Variants in RPS6KC1 observed in about 807,000 individuals in gnomAD.
RPS6KC1 encodes ribosomal protein S6 kinase C1.
A neutral mutation model predicts 103.8 loss-of-function variants in RPS6KC1; 54 were observed. The ratio of observed to expected loss-of-function variants is 0.52; its 90% confidence interval spans 0.42 to 0.65. The LOEUF is 0.65. Among genes scored for constraint, RPS6KC1 ranks in the 30% least tolerant of loss-of-function variants. RPS6KC1 has a pLI of 0.00. For synonymous variants in RPS6KC1, 439 were observed against 438.7 expected (o/e 1.00, Z -0.01); for missense variants, 1,151 against 1,253.8 (o/e 0.92, Z 1.24).
chr1:213,451,997 AT>A, the RPS6KC1 span, among the ~76,000 whole-genome samples: 2 of 152,256 alleles, frequency 1.3e-5, no homozygotes, highest in African/African-American at 2.4e-5. Context: ...TGACGGTGTG[AT>A]AGCCCACTCA....
chr1:213,307,006 G>A, the RPS6KC1 span, among the ~76,000 whole-genome samples: 2 of 151,482 alleles, frequency 1.3e-5, no homozygotes, highest in Non-Finnish European at 2.9e-5. Context: ...CTAAGTAAGA[G>A]AAGTAATTGC....
chr1:213,614,994 G>A, the RPS6KC1 span, among the ~76,000 whole-genome samples: 9 of 152,328 alleles, frequency 5.9e-5, no homozygotes, highest in East Asian at 5.8e-4. Context: ...ACAGTCATAA[G>A]TCACCATGCC....
the RPS6KC1 span, among the ~76,000 whole-genome samples, chr1:213,561,751 C>A: frequency 6.6e-6 from 1 of 152,222 alleles, no homozygotes; most frequent in Non-Finnish European, 1.5e-5. Context: ...CCCCACTGAG[C>A]AGCTCCTTTT....
At chr1:213,770,881 T>C in the RPS6KC1 span, among the ~76,000 whole-genome samples, 3 of 152,230 alleles carry the variant, frequency 2.0e-5, no homozygotes, top group African/African-American at 4.8e-5. Context: ...ACCAAGCATA[T>C]CTACTTTCAC....
the RPS6KC1 span, among the ~76,000 whole-genome samples, chr1:213,835,200 G>A: frequency 5.9e-5 from 9 of 152,330 alleles, no homozygotes; most frequent in African/African-American, 2.2e-4. Context: ...GCCAGAGGCA[G>A]GACCGGCTTG....
chr1:213,504,287 G>A, the RPS6KC1 span, among the ~76,000 whole-genome samples: 1 of 152,028 alleles, frequency 6.6e-6, no homozygotes, highest in African/African-American at 2.4e-5. Context: ...TTTTCTTTGA[G>A]TTTATAATTG....
the RPS6KC1 span, among the ~76,000 whole-genome samples, chr1:213,579,478 A>G: frequency 6.6e-6 from 1 of 152,108 alleles, no homozygotes; most frequent in Non-Finnish European, 1.5e-5. Context: ...AGAAGTTGTT[A>G]AGTTGTAGCA....
chr1:213,639,467 G>T, the RPS6KC1 span, among the ~76,000 whole-genome samples: 2 of 152,036 alleles, frequency 1.3e-5, no homozygotes, highest in African/African-American at 4.8e-5. Context: ...GCAAGGGCTG[G>T]GGTGGAGCAG....
intron 10 of RPS6KC1, among the ~76,000 whole-genome samples, chr1:213,239,409 A>T (rs1034173022): frequency 2.6e-5 from 4 of 152,174 alleles, no homozygotes; most frequent in African/African-American, 9.6e-5. Flanking sequence ...GGTGTATGAG[A>T]ATCCTAGGAT....
chr1:213,852,065 C>T, the RPS6KC1 span, among the ~76,000 whole-genome samples: 3 of 152,182 alleles, frequency 2.0e-5, no homozygotes, highest in Admixed American at 6.5e-5. Context: ...GTTCTCTCTC[C>T]TTAAAACACT....
chr1:213,539,500 C>A, the RPS6KC1 span, among the ~76,000 whole-genome samples: 1 of 152,194 alleles, frequency 6.6e-6, no homozygotes, highest in African/African-American at 2.4e-5. Flanking sequence ...GGTCCTGCTC[C>A]AGACTGGGCT....
chr1:213,679,277 A>G, the RPS6KC1 span, among the ~76,000 whole-genome samples: 5,906 of 152,278 alleles, frequency 0.039, 123 homozygotes, highest in African/African-American at 0.052. Flanking sequence ...ATAATGCCCT[A>G]TGTCCTTCCA....
chr1:213,796,352 A>C, the RPS6KC1 span, among the ~76,000 whole-genome samples: 2 of 152,140 alleles, frequency 1.3e-5, no homozygotes, highest in African/African-American at 4.8e-5. Context: ...CCTGTCACTC[A>C]GTGTTTTATC....
chr1:213,222,415 A>C (rs2093857097), intron 8 of RPS6KC1, among the ~76,000 whole-genome samples: 2 of 152,156 alleles, frequency 1.3e-5, no homozygotes, highest in Admixed American at 6.5e-5. Flanking sequence ...AAACTTATGA[A>C]ACCAAGGACA....
intron 6 of RPS6KC1, among the ~76,000 whole-genome samples, chr1:213,151,304 C>T (rs1195727477): frequency 2.5e-5 from 3 of 121,548 alleles, no homozygotes; most frequent in Non-Finnish European, 5.3e-5. Context: ...CGGGCAGAGG[C>T]GCCCCTCACC....
chr1:213,391,062 T>G, the RPS6KC1 span, among the ~76,000 whole-genome samples: 1 of 152,160 alleles, frequency 6.6e-6, no homozygotes, highest in South Asian at 2.1e-4. Flanking sequence ...ACTCACCTCC[T>G]GAATTCACTG....
At chr1:213,205,814 C>G (rs970886680) in intron 8 of RPS6KC1, among the ~76,000 whole-genome samples, 1 of 151,644 alleles carries the variant, frequency 6.6e-6, no homozygotes, top group Middle Eastern at 3.2e-3. Context: ...TTAAATATCT[C>G]TTATTCGAAA....
intron 2 of RPS6KC1, among the ~76,000 whole-genome samples, chr1:213,072,205 G>A (rs1472140359): frequency 1.3e-5 from 2 of 151,500 alleles, no homozygotes; most frequent in Non-Finnish European, 2.9e-5. Flanking sequence ...GTTTAGCCAC[G>A]GGTCCCACTA....
At chr1:213,079,056 A>G (rs2079616299) in intron 3 of RPS6KC1, among the ~76,000 whole-genome samples, 1 of 152,184 alleles carries the variant, frequency 6.6e-6, no homozygotes, top group Non-Finnish European at 1.5e-5. Context: ...CTGGTTTTAT[A>G]TAACAGTATA....
Sources: allele counts gnomAD v4.1 joint callset (sites outside exome capture counted in the v4.1 genomes callset), GRCh38; gene constraint gnomAD v4.1.1; transcripts MANE v1.5; gene names NCBI Gene and HGNC (gene_info 2026-07-23, HGNC 2026-07-21).